Variants in KLF7 observed in about 807,000 individuals in gnomAD.
The protein encoded by KLF7 is KLF transcription factor 7, also known as Krueppel-like factor 7.
Under a neutral mutation model 27.3 loss-of-function variants are expected in KLF7, and 2 were observed. That is an observed-to-expected ratio of 0.07 (90% CI 0.03 to 0.23). KLF7 has a LOEUF of 0.23. KLF7 is among the 10% of genes least tolerant of loss of function. The pLI is 1.00. For missense variants in KLF7, 221 were observed against 394.1 expected (o/e 0.56, Z 3.72); for synonymous variants, 165 against 162.4 (o/e 1.02, Z -0.12).
chr2:207,173,177 T>G, the KLF7 span, among the ~76,000 whole-genome samples: 1 of 152,270 alleles, frequency 6.6e-6, no homozygotes, highest in East Asian at 1.9e-4. Flanking sequence ...GTTTCATAAT[T>G]GAGAAAAATG....
At chr2:207,106,068 A>T (rs1286546886) in intron 2 of KLF7, among the ~76,000 whole-genome samples, 1 of 152,256 alleles carries the variant, frequency 6.6e-6, no homozygotes, top group Non-Finnish European at 1.5e-5. Context: ...ACTAATTAGT[A>T]TGATTAATTA....
intron 2 of KLF7, among the ~76,000 whole-genome samples, chr2:207,112,979 T>A (rs1289176455): frequency 6.6e-6 from 1 of 152,202 alleles, no homozygotes; most frequent in Non-Finnish European, 1.5e-5. Context: ...AAACCCATAA[T>A]AGGAAAGTCA....
At chr2:207,081,747 T>C (rs1346934953) in intron 3 of KLF7, among the ~76,000 whole-genome samples, 1 of 151,942 alleles carries the variant, frequency 6.6e-6, no homozygotes, top group South Asian at 2.1e-4. Context: ...GGGTGGAACT[T>C]TGAAATTTCA....
At chr2:207,171,749 C>G (rs1200779190), upstream of KLF7, among the ~76,000 whole-genome samples, 1 of 152,152 alleles carries the variant, frequency 6.6e-6, no homozygotes, top group African/African-American at 2.4e-5. Context: ...AGACACAATG[C>G]TATTGCACAC....
chr2:207,165,823 GA>G lies in KLF7; in HGVS notation c.-256del. 2 of 1,331,828 alleles carry G rather than the reference GA, an allele frequency of 1.5e-6. 1 individual carries two copies. The highest frequency in any genetic ancestry group is 5.7e-4 in the Middle Eastern group (2 of 3,502). 82.5% of individuals were successfully genotyped at this position (1,331,828 alleles called of 1,614,324 possible). On this transcript the variant is annotated 5_prime_UTR_variant, in exon 1 of 4. Coordinates refer to ENST00000309446, the MANE Select transcript of KLF7 (RefSeq NM_003709.4). Reference sequence around the variant, plus strand: ...CGTGTACAGTGCAGACGACTGCCAGGAAAAGGGGACTTCTCCACGGGAGTAA... The same window carrying G: ...CGTGTACAGTGCAGACGACTGCCAGGAAAGGGGACTTCTCCACGGGAGTAA...
chr2:207,128,977 G>C (rs1490508356), intron 1 of KLF7, among the ~76,000 whole-genome samples: 1 of 152,124 alleles, frequency 6.6e-6, no homozygotes, highest in Admixed American at 6.5e-5. Context: ...TTAGTTAATG[G>C]TATTATATCA....
At position 207,077,858 on chromosome 2, in the gene KLF7, AAAGCG is replaced by A. The variant is rs1209900606; in HGVS notation, c.*3350_*3354del. ...CATGAACAAATCTGAACCCTGGATA[AAAGCG>A]TGCTTGTTAGGACACCACCAGAAAC... is the stretch of plus-strand genomic sequence containing the variant. On this transcript the variant is annotated 3_prime_UTR_variant, in exon 4 of 4. Coordinates refer to ENST00000309446, the MANE Select transcript of KLF7 (RefSeq NM_003709.4). 1 of 152,182 alleles carries A rather than the reference AAAGCG, an allele frequency of 6.6e-6. No homozygotes were observed. The highest frequency in any genetic ancestry group is 2.4e-5 in the African/African-American group (1 of 41,452). The allele number at this position is 152,182 out of a possible 1,614,324, so 9.4% of individuals were successfully genotyped here. A position where few individuals can be genotyped will look rare whatever the true frequency, so the allele number is the denominator to read the frequency against.
At position 207,078,509 on chromosome 2, in the gene KLF7, AAAATT is replaced by A. The variant is rs1032115675; in HGVS notation, c.*2699_*2703del. On this transcript the variant is annotated 3_prime_UTR_variant, in exon 4 of 4. Transcript: ENST00000309446. ...ATAGAGCCTTGCATTGGTCAGTTCG[AAAATT>A]AAATTAAGTATTATAAACCCTTAAT... 1 of 152,242 alleles carries A rather than the reference AAAATT, an allele frequency of 6.6e-6. No homozygotes were observed. The highest frequency in any genetic ancestry group is 2.4e-5 in the African/African-American group (1 of 41,464). 9.4% of individuals were successfully genotyped at this position (152,242 alleles called of 1,614,324 possible). A position where few individuals can be genotyped will look rare whatever the true frequency, so the allele number is the denominator to read the frequency against.
At chr2:207,167,611 G>T (rs2078748836), upstream of KLF7, among the ~76,000 whole-genome samples, 2 of 152,178 alleles carry the variant, frequency 1.3e-5, no homozygotes, top group African/African-American at 4.8e-5. Context: ...GTTAGTGTCT[G>T]GAATTCTGTT....
intron 2 of KLF7, among the ~76,000 whole-genome samples, chr2:207,109,369 T>C (rs1421332928): frequency 6.6e-6 from 1 of 152,204 alleles, no homozygotes; most frequent in Non-Finnish European, 1.5e-5. Context: ...ACTGAATTCA[T>C]TTATATTGTT....
intron 2 of KLF7, among the ~76,000 whole-genome samples, chr2:207,094,521 C>T (rs1184416639): frequency 4.6e-5 from 7 of 152,242 alleles, no homozygotes; most frequent in African/African-American, 1.2e-4. Flanking sequence ...TAATACATCT[C>T]GAAGAAATCA....
intron 1 of KLF7, among the ~76,000 whole-genome samples, chr2:207,150,261 T>C (rs1017704072): frequency 4.6e-5 from 7 of 152,248 alleles, no homozygotes; most frequent in African/African-American, 1.7e-4. Context: ...TAAGTTTACT[T>C]TGCAAAATTT....
upstream of KLF7, chr2:207,167,224 A>G (rs2078741981): frequency 2.5e-6 from 3 of 1,195,326 alleles, no homozygotes; most frequent in Non-Finnish European, 3.3e-6. Context: ...TGGGATGTAG[A>G]CATAGAGAGA....
rs1475150440 is a variant in KLF7 at position 207,078,485 on chromosome 2, T to TA, written c.*2727dup. 2.0e-5 allele frequency: 3 copies of TA among 152,266 alleles called. No individual in the cohort carries two copies. Among genetic ancestry groups the TA allele is most frequent in the African/African-American group, 7.2e-5 (3 of 41,462 alleles). 9.4% of individuals were successfully genotyped at this position (152,266 alleles called of 1,614,324 possible). On this transcript the variant is annotated 3_prime_UTR_variant, in exon 4 of 4. Transcript: ENST00000309446. ...TGCATTTTTTAAACTTTCTTTTTAA[T>TA]AGAGCCTTGCATTGGTCAGTTCGAA...
chr2:207,150,633 T>C (rs1035754934), intron 1 of KLF7, among the ~76,000 whole-genome samples: 1 of 152,202 alleles, frequency 6.6e-6, no homozygotes, highest in Non-Finnish European at 1.5e-5. Flanking sequence ...GGAAATATAA[T>C]TTAATAATTT....
At position 207,081,049 on chromosome 2, in the gene KLF7, G is replaced by C. The variant is rs1170431676; in HGVS notation, c.*164C>G. On this transcript the variant is annotated 3_prime_UTR_variant, in exon 4 of 4. Coordinates refer to ENST00000309446, the MANE Select transcript of KLF7 (RefSeq NM_003709.4). ...ACAGTGTGTATGTGTGTGGGTCTGT[G>C]AGTGTGTGTATATGTGTGTGTGTGT... 1 of 661,964 alleles carries C rather than the reference G, an allele frequency of 1.5e-6. No individual in the cohort carries two copies. The highest frequency in any genetic ancestry group is 2.0e-5 in the African/African-American group (1 of 51,070). The allele number at this position is 661,964 out of a possible 1,614,324, so 41.0% of individuals were successfully genotyped here.
chr2:207,121,972 A>G (rs2077352358), intron 2 of KLF7: 1 of 152,260 alleles, frequency 6.6e-6, no homozygotes, highest in South Asian at 2.1e-4. Flanking sequence ...CAGCCCAAAG[A>G]CAACACAACA....
intron 1 of KLF7, among the ~76,000 whole-genome samples, chr2:207,158,707 G>T (rs1179786818): frequency 1.3e-5 from 2 of 152,166 alleles, no homozygotes; most frequent in African/African-American, 4.8e-5. Flanking sequence ...AGTGGAAAAA[G>T]AATCAAATTA....
At chr2:207,097,636 T>G (rs1460196027) in intron 2 of KLF7, among the ~76,000 whole-genome samples, 1 of 152,224 alleles carries the variant, frequency 6.6e-6, no homozygotes, top group Non-Finnish European at 1.5e-5. Flanking sequence ...AATGTTTCTT[T>G]TGAGACAAAG....
Sources: gnomAD v4.1 joint callset for allele counts (sites outside exome capture counted in the v4.1 genomes callset) on GRCh38, gnomAD v4.1.1 for gene constraint, MANE v1.5 for transcripts, NCBI Gene and HGNC (gene_info 2026-07-23, HGNC 2026-07-21) for gene names.